ZNF81: variants seen among roughly 807,000 people sequenced by gnomAD.
The protein encoded by ZNF81 is zinc finger protein 81 (HFZ20).
A neutral mutation model predicts 32.3 loss-of-function variants in ZNF81; 5 were observed. That is an observed-to-expected ratio of 0.15 (90% CI 0.08 to 0.33). The LOEUF (loss-of-function observed/expected upper bound fraction) is 0.33. Among genes scored for constraint, ZNF81 ranks in the 10% least tolerant of loss-of-function variants. The pLI is 1.00. For missense variants in ZNF81, 379 were observed against 479.8 expected, an observed-to-expected ratio of 0.79 and a Z score of 1.96; for synonymous variants, 163 against 166.8, an observed-to-expected ratio of 0.98 and a Z score of 0.17.
At chrX:47,843,843 C>CT (rs1464047251) in intron 1 of ZNF81, among the ~76,000 whole-genome samples, 2 of 111,703 alleles carry the variant, frequency 1.8e-5, no homozygotes, top group African/African-American at 3.3e-5. Context: ...CATTTCATTT[C>CT]TTTTTTTTCT....
intron 2 of ZNF81, among the ~76,000 whole-genome samples, chrX:47,876,867 T>C (rs1443089113): frequency 8.9e-6 from 1 of 112,109 alleles, no homozygotes; most frequent in African/African-American, 3.2e-5. Context: ...CTGTCCTTAA[T>C]TGAAGCTGTG....
chrX:47,913,749 A>G (rs999655879), intron 4 of ZNF81, among the ~76,000 whole-genome samples: 15 of 111,877 alleles, frequency 1.3e-4, no homozygotes, highest in African/African-American at 4.9e-4. Context: ...GGTGTCAACA[A>G]AGTAAGACAT....
chrX:47,908,351 A>G (rs1189671091), intron 4 of ZNF81, among the ~76,000 whole-genome samples: 6 of 111,589 alleles, frequency 5.4e-5, no homozygotes, highest in African/African-American at 2.0e-4. Flanking sequence ...ATACATACAT[A>G]CAAAAAAAAG....
intron 3 of ZNF81, among the ~76,000 whole-genome samples, chrX:47,890,165 A>G (rs2058657579): frequency 9.0e-6 from 1 of 111,510 alleles, no homozygotes; most frequent in South Asian, 3.8e-4. Flanking sequence ...AATAATGCCC[A>G]GGCCCAGTGC....
In ZNF81 at chrX:47,909,872, C is replaced by T. The variant is rs782353946; in HGVS notation, c.278-5052C>T. Among the ~76,000 whole-genome samples the T allele has an allele frequency of 5.0e-3, 525 of 105,401 alleles. 3 individuals carry two copies. The highest frequency in any genetic ancestry group is 0.018 in the African/African-American group (514 of 28,713). 91.5% of individuals were successfully genotyped at this position (105,401 alleles called of 115,157 possible). A position where few individuals can be genotyped will look rare whatever the true frequency, so the allele number is the denominator to read the frequency against. Reference sequence around the variant, plus strand: ...GAACATGCGGTGTTTGGTTTTTTGTCCTTGCGATAGTTTACTGAGAATGAT... The same window carrying T: ...GAACATGCGGTGTTTGGTTTTTTGTTCTTGCGATAGTTTACTGAGAATGAT... On this transcript the variant is annotated intron_variant, in intron 4 of 4. Transcript: ENST00000338637.
intron 2 of ZNF81, among the ~76,000 whole-genome samples, chrX:47,858,070 G>T (rs2058524248): frequency 9.0e-6 from 1 of 111,480 alleles, no homozygotes; most frequent in Admixed American, 9.6e-5. Flanking sequence ...TTACAGATCA[G>T]CCTCACTCAT....
intron 2 of ZNF81, among the ~76,000 whole-genome samples, chrX:47,883,501 C>G (rs1216920192): frequency 8.9e-6 from 1 of 112,223 alleles, no homozygotes; most frequent in South Asian, 3.7e-4. Flanking sequence ...TAACCTCTTA[C>G]ATTTCCTTCT....
At chrX:47,873,397 C>T (rs1355869190) in intron 2 of ZNF81, among the ~76,000 whole-genome samples, 2 of 111,711 alleles carry the variant, frequency 1.8e-5, no homozygotes, top group African/African-American at 6.5e-5. Flanking sequence ...GTTTCCACCC[C>T]TGAAACTCCC....
intron 1 of ZNF81, among the ~76,000 whole-genome samples, chrX:47,840,094 T>G (rs1469625184): frequency 9.3e-6 from 1 of 107,173 alleles, no homozygotes; most frequent in Non-Finnish European, 1.9e-5. Context: ...TCATTTCTAA[T>G]ATTGGTAATT....
At chrX:47,848,524 C>T (rs1308316956) in intron 2 of ZNF81, among the ~76,000 whole-genome samples, 1 of 111,058 alleles carries the variant, frequency 9.0e-6, no homozygotes, top group Non-Finnish European at 1.9e-5. Context: ...TTTATGGATG[C>T]AGCATCATAT....
chrX:47,880,112 C>T (rs2058614848), intron 2 of ZNF81, among the ~76,000 whole-genome samples: 1 of 112,170 alleles, frequency 8.9e-6, no homozygotes, highest in Non-Finnish European at 1.9e-5. Context: ...CTCCAGGAGG[C>T]ACATAATACC....
chrX:47,904,295 A>G (rs2148038357), intron 4 of ZNF81, among the ~76,000 whole-genome samples: 1 of 108,493 alleles, frequency 9.2e-6, no homozygotes, highest in East Asian at 2.9e-4. Flanking sequence ...ATGGGAGAAA[A>G]TTTTTGCAAC....
intron 2 of ZNF81, among the ~76,000 whole-genome samples, chrX:47,857,827 A>G (rs782693329): frequency 9.0e-6 from 1 of 111,628 alleles, no homozygotes; most frequent in Admixed American, 9.5e-5. Context: ...TTCTCCTGTT[A>G]GGTGGGTTTT....
chrX:47,904,047 TA>T (rs2058710271), intron 4 of ZNF81, among the ~76,000 whole-genome samples: 1 of 111,191 alleles, frequency 9.0e-6, no homozygotes, highest in Non-Finnish European at 1.9e-5. Context: ...TTACACCTTA[TA>T]CAAAAATTAA....
intron 4 of ZNF81, among the ~76,000 whole-genome samples, chrX:47,913,010 T>G (rs1288327297): frequency 3.1e-5 from 3 of 95,633 alleles, no homozygotes; most frequent in Admixed American, 1.0e-4. Flanking sequence ...TTTTGTTAGA[T>G]ATATATATAT....
chrX:47,914,904 C>CT lies in ZNF81; in HGVS notation c.278-15dup. 8.3e-7 allele frequency: 1 copy of CT among 1,202,129 alleles called. No homozygotes were observed. Among genetic ancestry groups the CT allele is most frequent in the Non-Finnish European group, 1.1e-6 (1 of 889,750 alleles). On this transcript the variant is annotated intron_variant, in intron 4 of 4. Transcript: ENST00000338637. ...CGGTCTATTGTTTGTGTCAATTTTA[C>CT]TTTTTCTTTCTCTTTTTAGATGGGA...
chrX:47,919,483 T>C lies in ZNF81; in HGVS notation c.*2851T>C, dbSNP rs480186. 15,430 of 188,100 alleles carry C rather than the reference T, an allele frequency of 0.082. 1,812 individuals carry two copies. Among genetic ancestry groups the C allele is most frequent in the African/African-American group, 0.38 (12,352 of 32,545 alleles). The allele number at this position is 188,100 out of a possible 1,213,427, so 15.5% of individuals were successfully genotyped here. A position where few individuals can be genotyped will look rare whatever the true frequency, so the allele number is the denominator to read the frequency against. On this transcript the variant is annotated 3_prime_UTR_variant, in exon 5 of 5. Coordinates refer to ENST00000338637, the MANE Select transcript of ZNF81 (RefSeq NM_007137.5). ...TTCATGCATGTTCATGTTTTCCCCT[T>C]TACCCTTTGTCTTAGTCAGTTTGAG...
rs187265073 is a variant in ZNF81 at position 47,849,277 on chromosome X, C to T, written c.54+2956C>T. On this transcript the variant is annotated intron_variant, in intron 2 of 4. Coordinates refer to ENST00000338637, the MANE Select transcript of ZNF81 (RefSeq NM_007137.5). ...ATGTATGGCCGAATGAGTTATCCTT[C>T]CATAGGCCTAGAAAGAGTCCATAGT... Among the ~76,000 whole-genome samples, 274 of 111,630 alleles carry T rather than the reference C, an allele frequency of 2.5e-3. 1 individual carries two copies. The highest frequency in any genetic ancestry group is 8.7e-3 in the African/African-American group (268 of 30,736).
intron 1 of ZNF81, among the ~76,000 whole-genome samples, chrX:47,840,077 C>T (rs1556879555): frequency 9.2e-6 from 1 of 108,779 alleles, no homozygotes; most frequent in African/African-American, 3.4e-5. Context: ...AGTTACATCT[C>T]TGTGTTTCAT....
Sources: gnomAD v4.1 joint callset for allele counts (sites outside exome capture counted in the v4.1 genomes callset) on GRCh38, gnomAD v4.1.1 for gene constraint, MANE v1.5 for transcripts, NCBI Gene and HGNC (gene_info 2026-07-23, HGNC 2026-07-21) for gene names.